The following FLRT2 variants were observed in gnomAD, a reference collection of about 807,000 sequenced individuals.
FLRT2 encodes fibronectin leucine rich transmembrane protein 2.
In FLRT2, 15 loss-of-function variants were observed where a neutral mutation model predicts 40.0. The observed-to-expected ratio is 0.38, with a 90% confidence interval of 0.25 to 0.58. The LOEUF is 0.58. Ranked by LOEUF, FLRT2 falls within the 20% of genes least tolerant of loss-of-function variation. The pLI, the probability that FLRT2 is intolerant of heterozygous loss-of-function variation, is 0.71. For synonymous variants in FLRT2, 380 were observed against 336.8 expected, an observed-to-expected ratio of 1.13 and a Z score of -1.41; for missense variants, 726 against 840.0, an observed-to-expected ratio of 0.86 and a Z score of 1.68.
rs1894193757 is a variant in FLRT2 at position 85,643,230 on chromosome 14, C to T, written c.*19733C>T. The T allele has an allele frequency of 6.6e-6, 1 of 152,122 alleles. No individual in the cohort carries two copies. The highest frequency in any genetic ancestry group is 2.4e-5 in the African/African-American group (1 of 41,414). The allele number at this position is 152,122 out of a possible 1,614,324, so 9.4% of individuals were successfully genotyped here. On this transcript the variant is annotated 3_prime_UTR_variant, in exon 2 of 2. Transcript: ENST00000330753. ...AGATAGGAACATTGGAGTAACCCAT[C>T]ATATGATTCACTTTAATGTCTAAAA...
chr14:85,548,245 A>G (rs1889394388), intron 1 of FLRT2, among the ~76,000 whole-genome samples: 1 of 152,244 alleles, frequency 6.6e-6, no homozygotes, highest in African/African-American at 2.4e-5. Context: ...AGATTTAAAT[A>G]TTGGATAAAT....
chr14:85,611,741 C>T (rs1892870620), intron 1 of FLRT2, among the ~76,000 whole-genome samples: 1 of 152,120 alleles, frequency 6.6e-6, no homozygotes, highest in Admixed American at 6.5e-5. Context: ...TGTTTTAAAT[C>T]TTCTTTATCA....
chr14:85,572,719 T>C (rs986319030), intron 1 of FLRT2, among the ~76,000 whole-genome samples: 1 of 152,222 alleles, frequency 6.6e-6, no homozygotes, highest in Non-Finnish European at 1.5e-5. Flanking sequence ...ATGCTTCTCA[T>C]TCAATACATT....
In FLRT2 at chr14:85,651,028, A is replaced by G. The variant is rs895843240; in HGVS notation, c.*27531A>G. ...TGGCCTGTTTTGTTTTTCTTAATATAAGGCTATACATTTCCCTCTAAGAAC... is the reference window on the plus strand; with the variant it reads ...TGGCCTGTTTTGTTTTTCTTAATATGAGGCTATACATTTCCCTCTAAGAAC... On this transcript the variant is annotated 3_prime_UTR_variant, in exon 2 of 2. Transcript: ENST00000330753. 1.3e-5 allele frequency: 2 copies of G among 151,784 alleles called. No homozygotes were observed. The highest frequency in any genetic ancestry group is 2.9e-5 in the Non-Finnish European group (2 of 67,900). The allele number at this position is 151,784 out of a possible 1,614,324, so 9.4% of individuals were successfully genotyped here.
chr14:85,633,498 T>TA lies in FLRT2; in HGVS notation c.*10006dup, dbSNP rs1370181160. The TA allele has an allele frequency of 6.6e-6, 1 of 151,968 alleles. No homozygotes were observed. Among genetic ancestry groups the TA allele is most frequent in the East Asian group, 1.9e-4 (1 of 5,190 alleles). 9.4% of individuals were successfully genotyped at this position (151,968 alleles called of 1,614,324 possible). ...CAGAAGGCATTGGAAATCAAAATAC[T>TA]AAAAACAAAATCAAGATAAGCTGAG... On this transcript the variant is annotated 3_prime_UTR_variant, in exon 2 of 2. Coordinates refer to ENST00000330753, the MANE Select transcript of FLRT2 (RefSeq NM_013231.6).
At position 85,645,121 on chromosome 14, in the gene FLRT2, A is replaced by G. The variant is rs1426000096; in HGVS notation, c.*21624A>G. ...AACCATAAAGTTGAGCTTGGGCAGC[A>G]GAACTCCTACATCAAGTAAAAAGTA... On this transcript the variant is annotated 3_prime_UTR_variant, in exon 2 of 2. Coordinates refer to ENST00000330753, the MANE Select transcript of FLRT2 (RefSeq NM_013231.6). 1.3e-5 allele frequency: 2 copies of G among 151,380 alleles called. No individual in the cohort carries two copies. The highest frequency in any genetic ancestry group is 2.9e-5 in the Non-Finnish European group (2 of 68,016). 9.4% of individuals were successfully genotyped at this position (151,380 alleles called of 1,614,324 possible).
rs766561197 is a variant in FLRT2, at chr14:85,623,400, C to G, written c.1886C>G (p.Thr629Ser). The stretch of plus-strand genomic sequence containing the variant: ...GATTTCAGACTGCAGCCCATTTACA[C>G]CCCAAATGGGGGCATTAATTACACA... ...KGDFRLQPIY[T>S]PNGGINYTDC... The change falls in exon 2 of 2, where the codon ACC becomes AGC. Residue 629 changes from threonine (T) to serine (S), a missense_variant. Transcript: ENST00000330753. 22 of 1,510,406 alleles carry G rather than the reference C, an allele frequency of 1.5e-5. No homozygotes were observed. Among genetic ancestry groups the G allele is most frequent in the Non-Finnish European group, 1.9e-5 (21 of 1,132,460 alleles). 93.6% of individuals were successfully genotyped at this position (1,510,406 alleles called of 1,614,324 possible). A position where few individuals can be genotyped will look rare whatever the true frequency, so the allele number is the denominator to read the frequency against.
At chr14:85,582,362 A>G (rs191733504) in intron 1 of FLRT2, among the ~76,000 whole-genome samples, 39 of 152,308 alleles carry the variant, frequency 2.6e-4, no homozygotes, top group African/African-American at 8.7e-4. Context: ...AGAGGTAGAA[A>G]TTACTTGTTC....
chr14:85,607,192 T>G (rs1035695610), intron 1 of FLRT2, among the ~76,000 whole-genome samples: 1 of 152,102 alleles, frequency 6.6e-6, no homozygotes. Context: ...CAGAGCACCA[T>G]GTTAGAAGAG....
chr14:85,559,818 TTACAAG>T (rs1890195677), intron 1 of FLRT2, among the ~76,000 whole-genome samples: 1 of 152,128 alleles, frequency 6.6e-6, no homozygotes, highest in Non-Finnish European at 1.5e-5. Context: ...AGATCACAGG[TTACAAG>T]TTAGATCTCT....
chr14:85,568,461 G>C (rs1343295670), intron 1 of FLRT2, among the ~76,000 whole-genome samples: 2 of 152,166 alleles, frequency 1.3e-5, no homozygotes, highest in African/African-American at 4.8e-5. Flanking sequence ...GTATGTTTCT[G>C]AATGAATTTA....
In FLRT2 at chr14:85,637,940, T is replaced by A. The variant is rs1894048246; in HGVS notation, c.*14443T>A. The A allele has an allele frequency of 6.6e-6, 1 of 152,144 alleles. No homozygotes were observed. The highest frequency in any genetic ancestry group is 6.5e-5 in the Admixed American group (1 of 15,272). The allele number at this position is 152,144 out of a possible 1,614,324, so 9.4% of individuals were successfully genotyped here. A position where few individuals can be genotyped will look rare whatever the true frequency, so the allele number is the denominator to read the frequency against. ...CTCTTGTCCTTACTCTGCTCCACCA[T>A]CCTCCACTGTGCTTGAAATGCCTAT... On this transcript the variant is annotated 3_prime_UTR_variant, in exon 2 of 2. Transcript: ENST00000330753.
At position 85,623,284 on chromosome 14, in the gene FLRT2, G is replaced by A. The variant is rs1348876621; in HGVS notation, c.1770G>A (p.Glu590=). The change falls in exon 2 of 2, where the codon GAG becomes GAA. Residue 590 remains glutamate (E), a synonymous_variant. Transcript: ENST00000330753. ...GCCGGCGGAAAGATGATTATTGCGA[G>A]GCAGGCACCAAGAAGGACAACTCCA... ...NRGRRKDDYC[E]AGTKKDNSIL... 1.3e-6 allele frequency: 2 copies of A among 1,516,080 alleles called. No individual in the cohort carries two copies. Among genetic ancestry groups the A allele is most frequent in the Non-Finnish European group, 1.8e-6 (2 of 1,133,310 alleles). The allele number at this position is 1,516,080 out of a possible 1,614,324, so 93.9% of individuals were successfully genotyped here.
At position 85,628,000 on chromosome 14, in the gene FLRT2, G is replaced by A. The variant is rs1893762416; in HGVS notation, c.*4503G>A. ...CTGTTAATGTAGAAGAAATGACGCA[G>A]GAGGGCAGGAATAAAAGAGGTAATA... is the stretch of plus-strand genomic sequence containing the variant. On this transcript the variant is annotated 3_prime_UTR_variant, in exon 2 of 2. Coordinates refer to ENST00000330753, the MANE Select transcript of FLRT2 (RefSeq NM_013231.6). 6.1e-6 allele frequency: 1 copy of A among 164,862 alleles called. No homozygotes were observed. Among genetic ancestry groups the A allele is most frequent in the African/African-American group, 2.4e-5 (1 of 41,456 alleles). The allele number at this position is 164,862 out of a possible 1,614,324, so 10.2% of individuals were successfully genotyped here. A position where few individuals can be genotyped will look rare whatever the true frequency, so the allele number is the denominator to read the frequency against.
At chr14:85,551,559 A>G (rs1411116100) in intron 1 of FLRT2, 2 of 152,334 alleles carry the variant, frequency 1.3e-5, no homozygotes, top group East Asian at 3.9e-4. Context: ...GTTTTTGGCT[A>G]ATTATCATTG....
Position 85,621,463 on chromosome 14 carries a change from T to C in FLRT2, c.-52T>C, listed in dbSNP as rs1893375436. On this transcript the variant is annotated 5_prime_UTR_variant, in exon 2 of 2. Transcript: ENST00000330753. ...CATTTTGATTTTGCTGTTTATTTTT[T>C]TTTTCTTTTTCTTTTTCCCACCACA... 1.3e-6 allele frequency: 2 copies of C among 1,497,146 alleles called. No homozygotes were observed. The highest frequency in any genetic ancestry group is 2.8e-5 in the African/African-American group (2 of 71,192). The allele number at this position is 1,497,146 out of a possible 1,614,324, so 92.7% of individuals were successfully genotyped here. A position where few individuals can be genotyped will look rare whatever the true frequency, so the allele number is the denominator to read the frequency against.
intron 1 of FLRT2, among the ~76,000 whole-genome samples, chr14:85,575,645 C>CT (rs534693885): frequency 3.3e-5 from 5 of 152,088 alleles, no homozygotes; most frequent in Admixed American, 1.3e-4. Flanking sequence ...CTCAACTGCA[C>CT]TTTTTTTTCC....
rs1238244955 is a variant in FLRT2, at chr14:85,651,952, A to G, written c.*28455A>G. ...ACCTGCCTATTAAATATGCTTTCCC[A>G]CTAGGGCTGGGGCTAATGGAAAATA... On this transcript the variant is annotated 3_prime_UTR_variant, in exon 2 of 2. Transcript: ENST00000330753. The G allele has an allele frequency of 6.6e-6, 1 of 152,172 alleles. No individual in the cohort carries two copies. The highest frequency in any genetic ancestry group is 1.5e-5 in the Non-Finnish European group (1 of 67,944). The allele number at this position is 152,172 out of a possible 1,614,324, so 9.4% of individuals were successfully genotyped here.
intron 1 of FLRT2, among the ~76,000 whole-genome samples, chr14:85,581,597 T>C (rs1251610083): frequency 2.0e-5 from 3 of 152,238 alleles, no homozygotes; most frequent in Non-Finnish European, 4.4e-5. Context: ...GAATGGAGAC[T>C]TCCATTTTCT....
Sources: gnomAD v4.1 joint callset for allele counts (sites outside exome capture counted in the v4.1 genomes callset) on GRCh38, gnomAD v4.1.1 for gene constraint, MANE v1.5 for transcripts, NCBI Gene and HGNC (gene_info 2026-07-23, HGNC 2026-07-21) for gene names.